HS2ST1: variants seen among roughly 807,000 people sequenced by gnomAD.
HS2ST1 encodes 2-O-sulfotransferase.
HS2ST1 carries 18 observed loss-of-function variants against 42.9 expected under a neutral mutation model. The ratio of observed to expected loss-of-function variants is 0.42; its 90% CI spans 0.29 to 0.62. The LOEUF (loss-of-function observed/expected upper bound fraction) is 0.62. Ranked by LOEUF, HS2ST1 falls within the 20% of genes least tolerant of loss-of-function variation. The probability of loss-of-function intolerance (pLI) is 0.21; values close to 1 mark genes in which losing one functional copy is unlikely to be tolerated. For synonymous variants in HS2ST1, 146 were observed against 152.9 expected (o/e 0.95, Z 0.33); for missense variants, 334 against 433.8 (o/e 0.77, Z 2.04).
intron 1 of HS2ST1, among the ~76,000 whole-genome samples, chr1:86,957,793 ATT>A (rs34769860): frequency 4.0e-4 from 55 of 136,404 alleles, no homozygotes; most frequent in Middle Eastern, 3.7e-3. Context: ...GTTTTTTTAG[ATT>A]TTTTTTTTTT....
intron 1 of HS2ST1, among the ~76,000 whole-genome samples, chr1:87,040,280 C>T (rs1020694595): frequency 6.6e-5 from 10 of 152,106 alleles, no homozygotes; most frequent in Non-Finnish European, 1.3e-4. Flanking sequence ...TCCCCCTCCC[C>T]GCTCCCTGAA....
intron 1 of HS2ST1, among the ~76,000 whole-genome samples, chr1:86,937,881 A>T (rs1450908290): frequency 6.6e-6 from 1 of 152,040 alleles, no homozygotes; most frequent in Admixed American, 6.6e-5. Flanking sequence ...TCAGTAATTT[A>T]GATGAGGTAA....
intron 2 of HS2ST1, among the ~76,000 whole-genome samples, chr1:87,074,056 TAAAC>T (rs960226260): frequency 2.0e-5 from 3 of 152,222 alleles, no homozygotes; most frequent in Non-Finnish European, 2.9e-5. Flanking sequence ...TCCTTACACT[TAAAC>T]AAGAGAATTA....
intron 1 of HS2ST1, among the ~76,000 whole-genome samples, chr1:86,988,163 A>T (rs1487776300): frequency 6.6e-6 from 1 of 152,204 alleles, no homozygotes; most frequent in Non-Finnish European, 1.5e-5. Flanking sequence ...AAACTTTCTG[A>T]TGACTGATGG....
chr1:87,026,791 A>C (rs1359593967), intron 1 of HS2ST1, among the ~76,000 whole-genome samples: 1 of 152,174 alleles, frequency 6.6e-6, no homozygotes, highest in African/African-American at 2.4e-5. Flanking sequence ...AGCTTAAAAA[A>C]AGAAGATATT....
At chr1:86,923,858 A>G (rs960734089) in intron 1 of HS2ST1, among the ~76,000 whole-genome samples, 1 of 152,142 alleles carries the variant, frequency 6.6e-6, no homozygotes, top group Non-Finnish European at 1.5e-5. Context: ...CAGCCAATCC[A>G]TATCATTCCA....
chr1:86,958,199 T>C (rs1353054355), intron 1 of HS2ST1, among the ~76,000 whole-genome samples: 1 of 152,190 alleles, frequency 6.6e-6, no homozygotes, highest in Non-Finnish European at 1.5e-5. Context: ...CTTTTGACTT[T>C]CTAAAAAACT....
Position 86,964,548 on chromosome 1 carries a change from G to A in HS2ST1, c.124+49388G>A, listed in dbSNP as rs12082479. Among the ~76,000 whole-genome samples, 1,214 of 152,374 alleles carry A rather than the reference G, an allele frequency of 8.0e-3. 24 individuals are homozygous for A. The highest frequency in any genetic ancestry group is 0.028 in the African/African-American group (1,178 of 41,594). ...AGGCACTGGGCAGGCTGAGGCAGGA[G>A]AATCAGGCAGGGAGGTTGCAGTGAG... On this transcript the variant is annotated intron_variant, in intron 1 of 6. Coordinates refer to ENST00000370550, the MANE Select transcript of HS2ST1 (RefSeq NM_012262.4).
chr1:87,101,147 GTGTTTTTTGTTTT>G (rs1652188760), intron 5 of HS2ST1, among the ~76,000 whole-genome samples: 3 of 75,892 alleles, frequency 4.0e-5, no homozygotes, highest in Non-Finnish European at 5.0e-5. Flanking sequence ...GTGTGTGTGT[GTGTTTTTTGTTTT>G]TTTTTTTTTT....
intron 1 of HS2ST1, among the ~76,000 whole-genome samples, chr1:86,964,338 C>T (rs1433682148): frequency 2.6e-5 from 4 of 152,244 alleles, no homozygotes; most frequent in African/African-American, 4.8e-5. Context: ...CGCACTCCAG[C>T]CTGGGCAACA....
At chr1:87,029,468 A>AG (rs2100594308) in intron 1 of HS2ST1, among the ~76,000 whole-genome samples, 1 of 152,308 alleles carries the variant, frequency 6.6e-6, no homozygotes, top group African/African-American at 2.4e-5. Context: ...TTGGGGAAAA[A>AG]GTTAATTATG....
intron 1 of HS2ST1, among the ~76,000 whole-genome samples, chr1:86,949,590 C>G (rs1301497560): frequency 6.6e-6 from 1 of 152,166 alleles, no homozygotes; most frequent in African/African-American, 2.4e-5. Context: ...AAAAAAGATT[C>G]TCTAAGCTTA....
intron 2 of HS2ST1, among the ~76,000 whole-genome samples, chr1:87,081,963 T>A: frequency 1.5e-5 from 2 of 132,238 alleles, no homozygotes; most frequent in African/African-American, 2.9e-5. Context: ...ACAGCAAGAC[T>A]CCGTCTCAAA....
chr1:87,017,848 G>A (rs1323700602), intron 1 of HS2ST1, among the ~76,000 whole-genome samples: 2 of 151,490 alleles, frequency 1.3e-5, no homozygotes, highest in Non-Finnish European at 1.5e-5. Flanking sequence ...CTATGTTTCC[G>A]AGGGAAAACA....
At chr1:87,009,782 C>G (rs1408008322) in intron 1 of HS2ST1, among the ~76,000 whole-genome samples, 1 of 152,082 alleles carries the variant, frequency 6.6e-6, no homozygotes, top group African/African-American at 2.4e-5. Flanking sequence ...TGCCTGTAAT[C>G]TCAGCACTTT....
chr1:86,933,302 C>T (rs4656126), intron 1 of HS2ST1, among the ~76,000 whole-genome samples: 17,422 of 152,178 alleles, frequency 0.11, 1,062 homozygotes, highest in Non-Finnish European at 0.13. Flanking sequence ...TCCATAGTTA[C>T]ACCTTTTGTA....
intron 1 of HS2ST1, among the ~76,000 whole-genome samples, chr1:86,997,935 G>A (rs1649154412): frequency 1.3e-5 from 2 of 152,182 alleles, no homozygotes; most frequent in South Asian, 4.1e-4. Context: ...GGTTGACTGT[G>A]AATAATTAAA....
chr1:87,085,014 T>C (rs976594337), intron 3 of HS2ST1, among the ~76,000 whole-genome samples: 1 of 152,182 alleles, frequency 6.6e-6, no homozygotes, highest in East Asian at 1.9e-4. Flanking sequence ...ATTCAAGTAC[T>C]ATGTGGCTTT....
chr1:86,918,267 T>G (rs554331168), intron 1 of HS2ST1, among the ~76,000 whole-genome samples: 1 of 152,114 alleles, frequency 6.6e-6, no homozygotes, highest in Non-Finnish European at 1.5e-5. Flanking sequence ...AAAAAACAAA[T>G]ATGGCATTGT....
Sources: gnomAD v4.1 joint callset for allele counts (sites outside exome capture counted in the v4.1 genomes callset) on GRCh38, gnomAD v4.1.1 for gene constraint, MANE v1.5 for transcripts, NCBI Gene and HGNC (gene_info 2026-07-23, HGNC 2026-07-21) for gene names.